Variants in ZNF782 observed in about 807,000 individuals in gnomAD.
ZNF782 encodes the protein zinc finger protein 782.
In ZNF782, 12 loss-of-function variants were observed where a neutral mutation model predicts 13.0. The ratio of observed to expected loss-of-function variants is 0.92; its 90% CI spans 0.59 to 1.50. The LOEUF (loss-of-function observed/expected upper bound fraction) is 1.50. Ranked by LOEUF, ZNF782 falls within the 40% of genes most tolerant of loss-of-function variation. The pLI is 0.00. For missense variants in ZNF782, 770 were observed against 822.9 expected (o/e 0.94, Z 0.79); for synonymous variants, 284 against 283.0 (o/e 1.00, Z -0.04).
the ZNF782 span, chr9:96,931,687 G>A: frequency 3.1e-4 from 492 of 1,608,772 alleles, 1 homozygote; most frequent in Middle Eastern, 1.1e-3. Flanking sequence ...ACCTGGAGAC[G>A]CCAGCTCATT....
At chr9:96,911,900 T>C in the ZNF782 span, among the ~76,000 whole-genome samples, 1 of 152,068 alleles carries the variant, frequency 6.6e-6, no homozygotes, top group Admixed American at 6.6e-5. Flanking sequence ...TTGGTTTATA[T>C]GATTTGGTTA....
rs545069899 is a variant in ZNF782, at chr9:96,817,889, T to A, written c.*34A>T. ...TGTATTGTGAGGTTTGATTTCCAGC[T>A]CAGAGTTTTTTCGTATTCTTTATAT... On this transcript the variant is annotated 3_prime_UTR_variant, in exon 6 of 6. Transcript: ENST00000481138. 4.0e-6 allele frequency: 6 copies of A among 1,513,820 alleles called. No individual in the cohort carries two copies. Among genetic ancestry groups the A allele is most frequent in the South Asian group, 2.7e-5 (2 of 72,886 alleles). 93.8% of individuals were successfully genotyped at this position (1,513,820 alleles called of 1,614,324 possible). A position where few individuals can be genotyped will look rare whatever the true frequency, so the allele number is the denominator to read the frequency against.
the ZNF782 span, among the ~76,000 whole-genome samples, chr9:96,899,492 C>T: frequency 6.6e-6 from 1 of 152,158 alleles, no homozygotes; most frequent in East Asian, 1.9e-4. Flanking sequence ...ACCATAGGTA[C>T]TATATTGGTT....
At chr9:96,912,336 C>T in the ZNF782 span, among the ~76,000 whole-genome samples, 1 of 147,522 alleles carries the variant, frequency 6.8e-6, no homozygotes, top group Non-Finnish European at 1.5e-5. Flanking sequence ...ACCAGCCTGG[C>T]CAACATGGCG....
At chr9:96,892,729 T>C in the ZNF782 span, 1 of 152,204 alleles carries the variant, frequency 6.6e-6, no homozygotes, top group Non-Finnish European at 1.5e-5. Context: ...TTTTTTTAAA[T>C]TGAGATAATA....
upstream of ZNF782, among the ~76,000 whole-genome samples, chr9:96,877,661 G>A (rs1460083371): frequency 6.6e-6 from 1 of 152,210 alleles, no homozygotes; most frequent in African/African-American, 2.4e-5. Context: ...CTTGCGGTCC[G>A]CGGTCTTGAA....
At chr9:96,870,963 G>C (rs1369940090) in intron 1 of ZNF782, among the ~76,000 whole-genome samples, 1 of 152,050 alleles carries the variant, frequency 6.6e-6, no homozygotes, top group African/African-American at 2.4e-5. Context: ...GCATGTTTGG[G>C]GTCATAAAAA....
intron 4 of ZNF782, among the ~76,000 whole-genome samples, chr9:96,834,230 T>A (rs1310348294): frequency 6.6e-6 from 1 of 152,182 alleles, no homozygotes; most frequent in Non-Finnish European, 1.5e-5. Context: ...CCCATCCTAT[T>A]CTCGTGATAG....
the ZNF782 span, among the ~76,000 whole-genome samples, chr9:96,912,874 C>T: frequency 6.6e-6 from 1 of 151,236 alleles, no homozygotes; most frequent in Non-Finnish European, 1.5e-5. Context: ...TTTTTTTTGG[C>T]CTGTTTGATA....
rs1033140573 is a variant in ZNF782 at position 96,817,548 on chromosome 9, C to T, written c.*375G>A. On this transcript the variant is annotated 3_prime_UTR_variant, in exon 6 of 6. Coordinates refer to ENST00000481138, the MANE Select transcript of ZNF782 (RefSeq NM_001001662.3). Reference sequence around the variant, plus strand: ...TCTAGCTTTTGTCATTGTGTGATTTCTCTGATGGTGAATGAGTTTTGATTG... The same window carrying T: ...TCTAGCTTTTGTCATTGTGTGATTTTTCTGATGGTGAATGAGTTTTGATTG... The T allele has an allele frequency of 5.8e-6, 1 of 173,700 alleles. No individual in the cohort carries two copies. Among genetic ancestry groups the T allele is most frequent in the Non-Finnish European group, 1.2e-5 (1 of 83,052 alleles). 10.8% of individuals were successfully genotyped at this position (173,700 alleles called of 1,614,324 possible).
intron 5 of ZNF782, among the ~76,000 whole-genome samples, chr9:96,824,581 A>T (rs1276699439): frequency 1.4e-5 from 2 of 147,008 alleles, no homozygotes; most frequent in Admixed American, 6.8e-5. Flanking sequence ...AAGGAAATAA[A>T]GGGTATTCAA....
the ZNF782 span, among the ~76,000 whole-genome samples, chr9:96,880,803 G>C: frequency 6.6e-6 from 1 of 152,086 alleles, no homozygotes; most frequent in Non-Finnish European, 1.5e-5. Context: ...TGTAAAATAA[G>C]CTGGGAAGTG....
chr9:96,828,362 C>G (rs917604155), intron 4 of ZNF782, among the ~76,000 whole-genome samples: 4 of 152,170 alleles, frequency 2.6e-5, no homozygotes, highest in Non-Finnish European at 5.9e-5. Context: ...TTCCAAGTAA[C>G]TTAACTACAT....
At chr9:96,881,045 T>C in the ZNF782 span, among the ~76,000 whole-genome samples, 1 of 152,136 alleles carries the variant, frequency 6.6e-6, no homozygotes, top group African/African-American at 2.4e-5. Context: ...AGTTATTGAA[T>C]TTTGGATAGA....
the ZNF782 span, among the ~76,000 whole-genome samples, chr9:96,930,872 G>GTTT: frequency 3.7e-4 from 27 of 72,726 alleles, 6 homozygotes; most frequent in South Asian, 1.7e-3. Context: ...CCATCCAGTG[G>GTTT]TTTTTTTTTT....
the ZNF782 span, chr9:96,931,964 A>G: frequency 9.9e-6 from 16 of 1,611,598 alleles, no homozygotes; most frequent in Non-Finnish European, 1.4e-5. Context: ...CCAGATGAGG[A>G]CAGAAGTGGG....
intron 1 of ZNF782, among the ~76,000 whole-genome samples, chr9:96,874,381 G>C (rs1019126814): frequency 2.0e-5 from 3 of 152,142 alleles, no homozygotes; most frequent in Non-Finnish European, 4.4e-5. Context: ...CGTGGTTATG[G>C]ACAGGTGTGA....
the ZNF782 span, among the ~76,000 whole-genome samples, chr9:96,914,183 G>A: frequency 0.017 from 2,611 of 151,394 alleles, 44 homozygotes; most frequent in Middle Eastern, 0.034. Flanking sequence ...GTGCAGTGGC[G>A]CGATCTCGGC....
At chr9:96,854,751 G>C (rs1851616155), upstream of ZNF782, among the ~76,000 whole-genome samples, 2 of 152,138 alleles carry the variant, frequency 1.3e-5, no homozygotes, top group African/African-American at 4.8e-5. Flanking sequence ...CAAATACAAA[G>C]AGTAGCCCTC....
Sources: allele counts gnomAD v4.1 joint callset (sites outside exome capture counted in the v4.1 genomes callset), GRCh38; gene constraint gnomAD v4.1.1; transcripts MANE v1.5; gene names NCBI Gene and HGNC (gene_info 2026-07-23, HGNC 2026-07-21).